The following DAPK2 variants were observed in gnomAD, a reference collection of about 807,000 sequenced individuals.
The protein encoded by DAPK2 is death associated protein kinase 2.
Under a neutral mutation model 44.1 loss-of-function variants are expected in DAPK2, and 35 were observed. The ratio of observed to expected loss-of-function variants is 0.79; its 90% confidence interval spans 0.61 to 1.05. The LOEUF (loss-of-function observed/expected upper bound fraction) is 1.05, where lower values mean the gene tolerates loss of function less well. Among genes scored for constraint, DAPK2 ranks in the 50% least tolerant of loss-of-function variants. The pLI is 0.00. For missense variants in DAPK2, 453 were observed against 483.2 expected (o/e 0.94, Z 0.59); for synonymous variants, 174 against 182.6 (o/e 0.95, Z 0.38).
At chr15:63,942,411 G>A (rs1567221704) in intron 3 of DAPK2, 1 of 169,300 alleles carries the variant, frequency 5.9e-6, no homozygotes, top group African/African-American at 2.4e-5. Context: ...AATTAGCTGG[G>A]CGTGGTGGCA....
chr15:63,931,243 C>T (rs2079545213), intron 4 of DAPK2, among the ~76,000 whole-genome samples: 1 of 152,156 alleles, frequency 6.6e-6, no homozygotes, highest in Admixed American at 6.5e-5. Flanking sequence ...CAATAAATTT[C>T]TGTTGTTTAT....
chr15:64,005,543 C>G (rs1020481703), intron 1 of DAPK2, among the ~76,000 whole-genome samples: 1 of 151,968 alleles, frequency 6.6e-6, no homozygotes, highest in African/African-American at 2.4e-5. Flanking sequence ...TGTGCCCTCC[C>G]AACATAGGAA....
At chr15:63,978,380 A>T (rs908400513) in intron 2 of DAPK2, among the ~76,000 whole-genome samples, 18 of 152,212 alleles carry the variant, frequency 1.2e-4, no homozygotes, top group African/African-American at 4.3e-4. Context: ...TCAGTGTAAA[A>T]GCTTCTTAGC....
Position 63,966,999 on chromosome 15 carries a change from GA to G in DAPK2, c.453+4423del, listed in dbSNP as rs539766616. On this transcript the variant is annotated intron_variant, in intron 3 of 10. Transcript: ENST00000261891. This position sits in a 1 kb window ranked among gnomAD's most constrained non-coding sequence, Gnocchi z 5.5. Reference sequence around the variant, plus strand: ...TGGAGACCATCCTGGCTAACATGGTGAAACCCCGTCTCTACTAAAAATACAA... The same window carrying G: ...TGGAGACCATCCTGGCTAACATGGTGAACCCCGTCTCTACTAAAAATACAA... 3.7e-4 allele frequency among the ~76,000 whole-genome samples: 57 copies of G among 152,102 alleles called. 1 individual carries two copies. The East Asian group carries it at 0.011, about 29-fold the overall frequency.
intron 2 of DAPK2, among the ~76,000 whole-genome samples, chr15:63,981,029 G>A (rs969182566): frequency 2.0e-5 from 3 of 150,792 alleles, no homozygotes; most frequent in African/African-American, 4.9e-5. Flanking sequence ...GGTGGAGATT[G>A]TAGTGAGCCA....
intron 3 of DAPK2, among the ~76,000 whole-genome samples, chr15:63,941,340 T>C (rs959530567): frequency 2.0e-5 from 3 of 152,158 alleles, no homozygotes; most frequent in South Asian, 2.1e-4. Context: ...TGTGATGACA[T>C]TTGGCATGCT....
chr15:63,968,389 C>A (rs562824003), intron 3 of DAPK2, among the ~76,000 whole-genome samples: 1 of 152,298 alleles, frequency 6.6e-6, no homozygotes, highest in Admixed American at 6.5e-5. Context: ...CCAGAGAAAA[C>A]CCAGACTGTT....
intron 1 of DAPK2, among the ~76,000 whole-genome samples, chr15:64,025,060 A>G (rs1441599775): frequency 6.6e-6 from 1 of 152,126 alleles, no homozygotes. Context: ...AGACCCAGAC[A>G]CTATTAACAA....
intron 2 of DAPK2, 75 bp from the exon 4 acceptor site, chr15:63,971,636 G>T (rs2078215736): frequency 6.5e-7 from 1 of 1,528,086 alleles, no homozygotes; most frequent in Non-Finnish European, 8.9e-7. Flanking sequence ...GGCTGATAGG[G>T]GCAAGCCCTC....
At chr15:63,996,788 A>T (rs1456007688) in intron 1 of DAPK2, among the ~76,000 whole-genome samples, 2 of 152,178 alleles carry the variant, frequency 1.3e-5, no homozygotes, top group African/African-American at 4.8e-5. Flanking sequence ...AGGGAGGACT[A>T]CTCAGGCAAT....
chr15:64,003,797 G>A (rs1367652168), intron 1 of DAPK2, among the ~76,000 whole-genome samples: 1 of 152,134 alleles, frequency 6.6e-6, no homozygotes, highest in Non-Finnish European at 1.5e-5. Flanking sequence ...GTAGAGACGG[G>A]GTTTCACCAC....
intron 6 of DAPK2, among the ~76,000 whole-genome samples, chr15:63,927,205 T>A (rs757668804): frequency 6.6e-6 from 1 of 152,228 alleles, no homozygotes; most frequent in Non-Finnish European, 1.5e-5. Context: ...GCCATTATTA[T>A]TGTCATTGTG....
rs2078835202 is a variant in DAPK2 at position 63,912,912 on chromosome 15, C to T, written c.859-715G>A. Among the ~76,000 whole-genome samples the T allele has an allele frequency of 1.3e-5, 2 of 152,190 alleles. No homozygotes were observed. The highest frequency in any genetic ancestry group is 4.1e-4 in the South Asian group (2 of 4,826). On this transcript the variant is annotated intron_variant, in intron 8 of 10. Coordinates refer to ENST00000261891, the Ensembl canonical transcript of DAPK2. The surrounding 1 kb of genome is among the most constrained non-coding windows in gnomAD (Gnocchi z 4.4). ...GCGTTCTCCATTCCCTTTTCAACAC[C>T]CCCCTTTTGTAAAATAAGGTTTTGT... is the stretch of plus-strand genomic sequence containing the variant.
chr15:63,991,385 A>G (rs934392872), intron 1 of DAPK2: 3 of 454,456 alleles, frequency 6.6e-6, no homozygotes, highest in Non-Finnish European at 8.8e-6. Flanking sequence ...GCTGCCTAAT[A>G]TGACTCTTCT....
intron 8 of DAPK2, chr15:63,922,971 A>G: frequency 6.5e-7 from 1 of 1,535,900 alleles, no homozygotes; most frequent in Non-Finnish European, 8.7e-7. Context: ...CCGAGGCTAC[A>G]TCCCGTGGCC....
At chr15:63,926,232 GC>G (rs2079260371) in intron 6 of DAPK2, 139 bp from the exon 8 acceptor site, 1 of 867,906 alleles carries the variant, frequency 1.2e-6, no homozygotes, top group South Asian at 1.7e-5. Context: ...CCTCTGGGCA[GC>G]CAACCAGCAG....
intron 4 of DAPK2, among the ~76,000 whole-genome samples, chr15:63,935,089 C>CTTTTT (rs35739549): frequency 1.6e-5 from 2 of 124,474 alleles, no homozygotes; most frequent in Admixed American, 8.7e-5. Flanking sequence ...TCTTTGCCTT[C>CTTTTT]TTTTTTTTTT....
intron 1 of DAPK2, among the ~76,000 whole-genome samples, chr15:63,984,899 T>C (rs1316572977): frequency 6.6e-6 from 1 of 152,182 alleles, no homozygotes; most frequent in Non-Finnish European, 1.5e-5. Context: ...TCATCCTCAG[T>C]GAGACAGTCT....
chr15:64,016,894 A>C (rs868457660), intron 1 of DAPK2, among the ~76,000 whole-genome samples: 1 of 118,360 alleles, frequency 8.4e-6, no homozygotes. Flanking sequence ...GAAGGAAGGA[A>C]GGAAGGACGG....
Sources: gnomAD v4.1 joint callset for allele counts (sites outside exome capture counted in the v4.1 genomes callset) on GRCh38, gnomAD v4.1.1 for gene constraint, Gnocchi (gnomAD v3.1) non-coding constraint, MANE v1.5 for transcripts, NCBI Gene and HGNC (gene_info 2026-07-23, HGNC 2026-07-21) for gene names.